CORIN: variants seen among roughly 807,000 people sequenced by gnomAD.
The protein encoded by CORIN is atrial natriuretic peptide-converting enzyme.
A neutral mutation model predicts 125.3 loss-of-function variants in CORIN; 117 were observed. The ratio of observed to expected loss-of-function variants is 0.93; its 90% CI spans 0.80 to 1.09. The LOEUF (loss-of-function observed/expected upper bound fraction) is 1.09, where lower values mean the gene tolerates loss of function less well. Ranked by LOEUF, CORIN falls within the 50% of genes least tolerant of loss-of-function variation. The probability of loss-of-function intolerance (pLI) is 0.00; values close to 1 mark genes in which losing one functional copy is unlikely to be tolerated. For synonymous variants in CORIN, 450 were observed against 466.4 expected, an observed-to-expected ratio of 0.96 and a Z score of 0.45; for missense variants, 1,253 against 1,306.7, an observed-to-expected ratio of 0.96 and a Z score of 0.63.
intron 9 of CORIN, 145 bp from the exon 10 acceptor site, chr4:47,674,645 G>A (rs772281820): frequency 1.0e-4 from 61 of 600,762 alleles, no homozygotes; most frequent in Admixed American, 2.9e-4. Flanking sequence ...TTGAACGTAC[G>A]TTGAATAGGT....
intron 4 of CORIN, among the ~76,000 whole-genome samples, chr4:47,744,811 T>A (rs1348026366): frequency 6.6e-6 from 1 of 152,232 alleles, no homozygotes; most frequent in Non-Finnish European, 1.5e-5. Flanking sequence ...CTATTTCTTG[T>A]AGGAACATTT....
rs1721213456 is a variant in CORIN, at chr4:47,595,416, A to G, written c.*305T>C. The G allele has an allele frequency of 4.9e-6, 1 of 202,166 alleles. No homozygotes were observed. The highest frequency in any genetic ancestry group is 2.3e-5 in the African/African-American group (1 of 43,258). 12.5% of individuals were successfully genotyped at this position (202,166 alleles called of 1,614,324 possible). On this transcript the variant is annotated 3_prime_UTR_variant, in exon 22 of 22. Transcript: ENST00000273857. ...CCATAACCTGTTACTGTAGCACCTG[A>G]TTTTAAATCTCGCCAGAGTCGATAA...
chr4:47,744,259 C>T, intron 5 of CORIN, 143 bp downstream of exon 5: 1 of 734,488 alleles, frequency 1.4e-6, no homozygotes, highest in South Asian at 2.0e-5. Context: ...ATATTCTATT[C>T]CTTGATCTGG....
At chr4:47,657,128 A>C (rs1724021495) in intron 12 of CORIN, among the ~76,000 whole-genome samples, 1 of 152,230 alleles carries the variant, frequency 6.6e-6, no homozygotes, top group South Asian at 2.1e-4. Context: ...GAAACAAATT[A>C]AAGAGGATAT....
At chr4:47,730,433 A>G (rs1577870505) in intron 5 of CORIN, among the ~76,000 whole-genome samples, 2 of 145,294 alleles carry the variant, frequency 1.4e-5, no homozygotes, top group Admixed American at 1.4e-4. Flanking sequence ...AGATTGTGCC[A>G]CTGCACTCCA....
In CORIN at chr4:47,796,517, G is replaced by T. The variant is rs7679801; in HGVS notation, c.209-9592C>A. On this transcript the variant is annotated intron_variant, in intron 2 of 21. Coordinates refer to ENST00000273857, the MANE Select transcript of CORIN (RefSeq NM_006587.4). ...ATGACTATACAACATAGTGACTATG[G>T]TTAATACTTCTTTGGGTACTTAAAC... Among the ~76,000 whole-genome samples the T allele has an allele frequency of 2.4e-3, 367 of 152,184 alleles. 2 individuals are homozygous for T. Among genetic ancestry groups the T allele is most frequent in the African/African-American group, 8.1e-3 (336 of 41,538 alleles).
chr4:47,824,994 A>T (rs1395267347), intron 1 of CORIN, among the ~76,000 whole-genome samples: 1 of 152,232 alleles, frequency 6.6e-6, no homozygotes, highest in Non-Finnish European at 1.5e-5. Flanking sequence ...ACTTTCCACC[A>T]GGGCAGCCGC....
Position 47,623,069 on chromosome 4 carries a change from C to CCTCTCTCTCTCT in CORIN, c.2540+490_2540+501dup, listed in dbSNP as rs372736248. On this transcript the variant is annotated intron_variant, in intron 19 of 21. Transcript: ENST00000273857. ...GGAAACATAAAATGGCATAACATAA[C>CCTCTCTCTCTCT]CTCTCTCTCTCTCTCTCTCTCTCTC... is the stretch of plus-strand genomic sequence containing the variant. Among the ~76,000 whole-genome samples, 848 of 93,278 alleles carry CCTCTCTCTCTCT rather than the reference C, an allele frequency of 9.1e-3. 6 individuals carry two copies. Among genetic ancestry groups the CCTCTCTCTCTCT allele is most frequent in the African/African-American group, 0.02 (349 of 17,730 alleles). The allele number at this position is 93,278 out of a possible 152,430, so 61.2% of individuals were successfully genotyped here. A position where few individuals can be genotyped will look rare whatever the true frequency, so the allele number is the denominator to read the frequency against.
chr4:47,632,230 A>C (rs948707963), intron 16 of CORIN: 1 of 152,222 alleles, frequency 6.6e-6, no homozygotes, highest in Non-Finnish European at 1.5e-5. Context: ...CTTCAGTTGA[A>C]GGATAAGGTT....
At chr4:47,723,288 C>T (rs935739230) in intron 5 of CORIN, among the ~76,000 whole-genome samples, 13 of 152,150 alleles carry the variant, frequency 8.5e-5, no homozygotes, top group African/African-American at 2.9e-4. Flanking sequence ...AGGGAGATCA[C>T]AGAGAAGAGG....
chr4:47,775,186 TG>T (rs1402371201), intron 3 of CORIN, among the ~76,000 whole-genome samples: 7 of 151,998 alleles, frequency 4.6e-5, no homozygotes, highest in Non-Finnish European at 1.0e-4. Context: ...TTTTTGTTGT[TG>T]TTTTTTTAAT....
intron 5 of CORIN, among the ~76,000 whole-genome samples, chr4:47,733,077 T>C (rs979094581): frequency 2.6e-5 from 4 of 152,220 alleles, no homozygotes; most frequent in Non-Finnish European, 5.9e-5. Context: ...GCCTGGTACA[T>C]AGAATATACT....
chr4:47,701,988 T>A (rs1490508481), intron 5 of CORIN, among the ~76,000 whole-genome samples: 3 of 152,182 alleles, frequency 2.0e-5, no homozygotes, highest in African/African-American at 7.2e-5. Context: ...TTAAACTTTT[T>A]TGCTTATTAT....
intron 16 of CORIN, among the ~76,000 whole-genome samples, chr4:47,636,506 A>G (rs1723033579): frequency 6.6e-6 from 1 of 152,096 alleles, no homozygotes. Context: ...TCTCATCTTG[A>G]ATTGTAACTC....
chr4:47,835,715 C>A (rs1479858579), intron 1 of CORIN, among the ~76,000 whole-genome samples: 1 of 152,174 alleles, frequency 6.6e-6, no homozygotes, highest in Non-Finnish European at 1.5e-5. Context: ...GAGAATGTGA[C>A]CCTTCCAAAA....
intron 5 of CORIN, among the ~76,000 whole-genome samples, chr4:47,734,673 T>C (rs1159021077): frequency 6.6e-6 from 1 of 152,210 alleles, no homozygotes; most frequent in Non-Finnish European, 1.5e-5. Flanking sequence ...TGTTAGAAAG[T>C]ACTTTGCAAA....
intron 16 of CORIN, among the ~76,000 whole-genome samples, chr4:47,632,755 A>ATAGATAGATAGG (rs1553905945): frequency 1.4e-3 from 168 of 119,950 alleles, no homozygotes; most frequent in African/African-American, 5.2e-3. Context: ...AGATAGATAG[A>ATAGATAGATAGG]TAGATAGATA....
intron 4 of CORIN, among the ~76,000 whole-genome samples, chr4:47,757,893 T>TATATATATATATAC (rs1729249727): frequency 6.9e-6 from 1 of 144,792 alleles, no homozygotes; most frequent in Non-Finnish European, 1.5e-5. Context: ...TATATATATA[T>TATATATATATATAC]ATATATATAT....
At chr4:47,625,267 A>C (rs1210689418) in intron 17 of CORIN, among the ~76,000 whole-genome samples, 1 of 152,086 alleles carries the variant, frequency 6.6e-6, no homozygotes, top group Non-Finnish European at 1.5e-5. Flanking sequence ...ATTAGTTGTT[A>C]TTTGTTAGAT....
Sources: allele counts gnomAD v4.1 joint callset (sites outside exome capture counted in the v4.1 genomes callset), GRCh38; gene constraint gnomAD v4.1.1; transcripts MANE v1.5; gene names NCBI Gene and HGNC (gene_info 2026-07-23, HGNC 2026-07-21).